CEP250: variants seen among roughly 807,000 people sequenced by gnomAD.
The protein encoded by CEP250 is centrosomal protein 250.
CEP250 carries 242 observed loss-of-function variants against 315.7 expected under a neutral mutation model. The observed-to-expected ratio is 0.77, with a 90% CI of 0.69 to 0.85. The LOEUF (loss-of-function observed/expected upper bound fraction) is 0.85. CEP250 is among the 40% of genes least tolerant of loss of function. CEP250 has a pLI of 0.00. For missense variants in CEP250, 2,515 were observed against 2,886.4 expected, an observed-to-expected ratio of 0.87 and a Z score of 2.95; for synonymous variants, 1,088 against 1,175.0, an observed-to-expected ratio of 0.93 and a Z score of 1.51.
chr20:35,481,385 C>A (rs2063339463), intron 20 of CEP250: 1 of 152,230 alleles, frequency 6.6e-6, no homozygotes, highest in Non-Finnish European at 1.5e-5. Flanking sequence ...CCACTGCACT[C>A]CAGCCTGAGT....
intron 20 of CEP250, among the ~76,000 whole-genome samples, chr20:35,486,848 T>A (rs762763322): frequency 1.3e-5 from 2 of 152,200 alleles, no homozygotes; most frequent in Non-Finnish European, 2.9e-5. Context: ...ATTTGTTGAA[T>A]GAACACTGAT....
In CEP250 at chr20:35,502,516, ACGGCTCGCT is replaced by A; in HGVS notation, c.4149_4157del (p.Arg1385_Ala1387del). On this transcript the variant is annotated inframe_deletion, in exon 30 of 35. Transcript: ENST00000397527. ...TGGCATCCTGGAAGAAGACCTGAGA[ACGGCTCGCT>A]CAGCACTGAAGCTGAAAAATGAGGA... 1 of 1,614,132 alleles carries A rather than the reference ACGGCTCGCT, an allele frequency of 6.2e-7. No individual in the cohort carries two copies. The highest frequency in any genetic ancestry group is 8.5e-7 in the Non-Finnish European group (1 of 1,180,014).
At chr20:35,475,481 C>A in intron 14 of CEP250, 21 bp from the exon 15 acceptor site, 2 of 1,613,184 alleles carry the variant, frequency 1.2e-6, no homozygotes, top group Non-Finnish European at 1.7e-6. Flanking sequence ...TTCCTCTAGA[C>A]CCCTCTCTTT....
intron 4 of CEP250, among the ~76,000 whole-genome samples, chr20:35,463,169 G>A (rs548882411): frequency 4.1e-3 from 626 of 152,320 alleles, no homozygotes; most frequent in Middle Eastern, 0.017. Context: ...TTGGGAGGCC[G>A]AGGCAGGTGT....
intron 13 of CEP250, 98 bp from the exon 14 acceptor site, chr20:35,473,772 G>T: frequency 8.7e-7 from 1 of 1,152,870 alleles, no homozygotes; most frequent in Non-Finnish European, 1.2e-6. Context: ...AACAGAAGAT[G>T]GGATGTTGAA....
intron 16 of CEP250, 62 bp from the exon 17 acceptor site, chr20:35,477,809 T>A: frequency 7.5e-7 from 1 of 1,334,458 alleles, no homozygotes; most frequent in South Asian, 1.3e-5. Context: ...GTCTTAGCAT[T>A]TGATTCCTAA....
Position 35,503,939 on chromosome 20 carries a change from G to A in CEP250, c.5570G>A (p.Arg1857His), listed in dbSNP as rs73903079. Residue 1857 changes from arginine to histidine, a missense_variant, in exon 30 of 35, where the codon CGT becomes CAT. Transcript: ENST00000397527. This position sits in a 1 kb window ranked among gnomAD's most constrained non-coding sequence, Gnocchi z 4.2. ...LEQAHMTLKE[R>H]HGELQDHKEQ... is the part of the protein sequence containing the mutation. Reference sequence around the variant, plus strand: ...CAAGCCCATATGACACTGAAGGAGCGTCATGGAGAGCTTCAGGACCACAAG... The same window carrying A: ...CAAGCCCATATGACACTGAAGGAGCATCATGGAGAGCTTCAGGACCACAAG... 8.6e-4 allele frequency: 1,382 copies of A among 1,613,428 alleles called. 10 individuals carry two copies. The African/African-American group carries it at 0.013, about 15-fold the overall frequency.
intron 31 of CEP250, 85 bp from the exon 32 acceptor site, chr20:35,507,950 C>T (rs2064238636): frequency 2.5e-6 from 4 of 1,600,528 alleles, no homozygotes; most frequent in Non-Finnish European, 3.4e-6. Context: ...AAGCTTAAAC[C>T]TGCCAGATTG....
At position 35,472,083 on chromosome 20, in the gene CEP250, G is replaced by A. The variant is rs150639987; in HGVS notation, c.982G>A (p.Ala328Thr). 20 of 1,612,602 alleles carry A rather than the reference G, an allele frequency of 1.2e-5. No individual in the cohort carries two copies. The African/African-American group carries it at 2.1e-4, about 17-fold the overall frequency. ...TCACACAGAATTAATGGAACATGAA[G>A]CATCTCTTAGTAGGAATGCGCAAGA... ...TNHTELMEHE[A>T]SLSRNAQEEK... Residue 328 changes from alanine (A) to threonine (T), a missense_variant, in exon 11 of 35, where the codon GCA becomes ACA. By Grantham distance (58) the Ala-to-Thr change is moderately conservative. Transcript: ENST00000397527.
chr20:35,470,455 A>G (rs2062996087), intron 10 of CEP250, among the ~76,000 whole-genome samples: 1 of 152,212 alleles, frequency 6.6e-6, no homozygotes, highest in African/African-American at 2.4e-5. Flanking sequence ...CTGGGAAAAG[A>G]GAGTTTATGA....
rs192758004 is a variant in CEP250 at position 35,490,368 on chromosome 20, A to G, written c.2587-269A>G. On this transcript the variant is annotated intron_variant, in intron 20 of 34. Coordinates refer to ENST00000397527, the MANE Select transcript of CEP250 (RefSeq NM_007186.6). ...TAAAACCCAGATACTTGTAGCATAT[A>G]TAAGGGACAATTGCAGTTTGGAAGG... is the stretch of plus-strand genomic sequence containing the variant. 1.5e-3 allele frequency among the ~76,000 whole-genome samples: 229 copies of G among 152,342 alleles called. 1 individual carries two copies. The highest frequency in any genetic ancestry group is 5.1e-3 in the African/African-American group (214 of 41,588).
intron 20 of CEP250, among the ~76,000 whole-genome samples, chr20:35,484,957 A>G (rs1343580881): frequency 2.0e-5 from 3 of 152,000 alleles, no homozygotes; most frequent in Non-Finnish European, 2.9e-5. Flanking sequence ...TTAAAAATGT[A>G]AAGGCTGGGT....
chr20:35,516,837 T>C lies in CEP250; in HGVS notation c.*5211T>C, dbSNP rs527625068. The C allele has an allele frequency of 2.9e-5, 7 of 238,180 alleles. No individual in the cohort carries two copies. The highest frequency in any genetic ancestry group is 1.6e-4 in the African/African-American group (7 of 43,148). 14.8% of individuals were successfully genotyped at this position (238,180 alleles called of 1,614,324 possible). ...TCAAGCCAGTTGGATGCACGGGTTG[T>C]GTGGAGTCCAGGGGTACATCCAGAA... On this transcript the variant is annotated 3_prime_UTR_variant, in exon 35 of 35. Transcript: ENST00000397527.
rs762101575 is a variant in CEP250, at chr20:35,496,568, T to C, written c.3168-9T>C. ...GAATGGCCCAGCACTCTGACCCCTC[T>C]CTTTTTAGCCTGACTCTCTCACTGA... On this transcript the variant is annotated splice_polypyrimidine_tract_variant and intron_variant, in intron 24 of 34. Transcript: ENST00000397527. The C allele has an allele frequency of 6.2e-7, 1 of 1,613,128 alleles. No homozygotes were observed. Among genetic ancestry groups the C allele is most frequent in the Admixed American group, 1.7e-5 (1 of 59,850 alleles).
chr20:35,488,957 G>A lies in CEP250; in HGVS notation c.2587-1680G>A, dbSNP rs372909171. Among the ~76,000 whole-genome samples, 99 of 152,108 alleles carry A rather than the reference G, an allele frequency of 6.5e-4. 1 individual carries two copies. In the East Asian group the frequency reaches 0.018, roughly 28 times the overall value. Reference sequence around the variant, plus strand: ...TCCTAGCACTTTGGGAGGCCTAAGCGGGCAGATCACTTGAGGTTAGGAGTT... The same window carrying A: ...TCCTAGCACTTTGGGAGGCCTAAGCAGGCAGATCACTTGAGGTTAGGAGTT... On this transcript the variant is annotated intron_variant, in intron 20 of 34. Coordinates refer to ENST00000397527, the MANE Select transcript of CEP250 (RefSeq NM_007186.6).
chr20:35,491,432 T>C, intron 22 of CEP250, 86 bp downstream of exon 22: 1 of 1,412,750 alleles, frequency 7.1e-7, no homozygotes, highest in Non-Finnish European at 9.7e-7. Flanking sequence ...ACTTCTTATG[T>C]GCCAGGCCCT....
intron 30 of CEP250, among the ~76,000 whole-genome samples, chr20:35,505,321 G>A (rs2147183987): frequency 6.6e-6 from 1 of 152,278 alleles, no homozygotes; most frequent in South Asian, 2.1e-4. Context: ...TTTCCTGGGA[G>A]TGGGTCCTGA....
At position 35,472,793 on chromosome 20, in the gene CEP250, G is replaced by T; in HGVS notation, c.1171G>T (p.Val391Leu). 1 of 1,614,172 alleles carries T rather than the reference G, an allele frequency of 6.2e-7. No homozygotes were observed. The highest frequency in any genetic ancestry group is 8.5e-7 in the Non-Finnish European group (1 of 1,180,014). ...GGATGCAGACAAGGCTCTTACTCTGGTGCGTTCAGTGCTGACTCGGAGACG... is the reference window on the plus strand; with the variant it reads ...GGATGCAGACAAGGCTCTTACTCTGTTGCGTTCAGTGCTGACTCGGAGACG... ...YQDADKALTL[V>L]RSVLTRRRQA... The change falls in exon 12 of 35, where the codon GTG becomes TTG. Residue 391 changes from valine to leucine, a missense_variant. Val to Leu is a conservative substitution (Grantham distance 32). Transcript: ENST00000397527.
At chr20:35,488,499 G>A (rs2063585647) in intron 20 of CEP250, among the ~76,000 whole-genome samples, 1 of 152,010 alleles carries the variant, frequency 6.6e-6, no homozygotes. Flanking sequence ...TGTTGCCCAG[G>A]CTGGAGTGCA....
Sources: gnomAD v4.1 joint callset for allele counts (sites outside exome capture counted in the v4.1 genomes callset) on GRCh38, gnomAD v4.1.1 for gene constraint, Gnocchi (gnomAD v3.1) non-coding constraint, MANE v1.5 for transcripts, NCBI Gene and HGNC (gene_info 2026-07-23, HGNC 2026-07-21) for gene names.